SOCS7: variants seen among roughly 807,000 people sequenced by gnomAD.
SOCS7 encodes suppressor of cytokine signaling 7.
A neutral mutation model predicts 58.9 loss-of-function variants in SOCS7; 18 were observed. The ratio of observed to expected loss-of-function variants is 0.31; its 90% confidence interval spans 0.21 to 0.45. The LOEUF is 0.45. Ranked by LOEUF, SOCS7 falls within the 20% of genes least tolerant of loss-of-function variation. SOCS7 has a pLI of 1.00. For missense variants in SOCS7, 667 were observed against 837.3 expected, an observed-to-expected ratio of 0.80 and a Z score of 2.51; for synonymous variants, 388 against 364.3, an observed-to-expected ratio of 1.06 and a Z score of -0.74.
chr17:38,405,499 T>C lies in SOCS7; in HGVS notation c.*6017T>C, dbSNP rs1416208833. 1 of 152,200 alleles carries C rather than the reference T, an allele frequency of 6.6e-6. No homozygotes were observed. Among genetic ancestry groups the C allele is most frequent in the Non-Finnish European group, 1.5e-5 (1 of 68,032 alleles). The allele number at this position is 152,200 out of a possible 1,614,324, so 9.4% of individuals were successfully genotyped here. ...TGTCAGTGCGAGAGACATTTGACTC[T>C]TGTGTTTGTATCTCCTTTTTATGAT... On this transcript the variant is annotated 3_prime_UTR_variant, in exon 10 of 10. Coordinates refer to ENST00000612932, the MANE Select transcript of SOCS7 (RefSeq NM_014598.4).
intron 4 of SOCS7, chr17:38,366,032 A>G: frequency 7.8e-7 from 1 of 1,274,094 alleles, no homozygotes; most frequent in Non-Finnish European, 9.9e-7. Flanking sequence ...CACCTTAGTA[A>G]GGTTAGTGAG....
Position 38,359,773 on chromosome 17 carries a change from T to A in SOCS7, c.981-1938T>A, listed in dbSNP as rs181443933. 6.2e-3 allele frequency among the ~76,000 whole-genome samples: 940 copies of A among 151,042 alleles called. 7 individuals are homozygous for A. Among genetic ancestry groups the A allele is most frequent in the African/African-American group, 0.021 (886 of 41,296 alleles). ...TATATATATTATTTTTTTAAAAAAA[T>A]TTTTAATTAAAAAAAATTTTTTTTT... On this transcript the variant is annotated intron_variant, in intron 1 of 9. Coordinates refer to ENST00000612932, the MANE Select transcript of SOCS7 (RefSeq NM_014598.4).
rs1205845205 is a variant in SOCS7, at chr17:38,402,836, C to T, written c.*3354C>T. The stretch of plus-strand genomic sequence containing the variant: ...TTCCTAAGTTGTGGGTGGGTGATAT[C>T]AGTGGCCTCAGTGCCTGCATAACCC... On this transcript the variant is annotated 3_prime_UTR_variant, in exon 10 of 10. Transcript: ENST00000612932. The T allele has an allele frequency of 6.6e-6, 1 of 152,172 alleles. No individual in the cohort carries two copies. Among genetic ancestry groups the T allele is most frequent in the South Asian group, 2.1e-4 (1 of 4,830 alleles). 9.4% of individuals were successfully genotyped at this position (152,172 alleles called of 1,614,324 possible).
intron 8 of SOCS7, 40 bp from the exon 9 acceptor site, chr17:38,395,808 T>G: frequency 6.3e-7 from 1 of 1,598,084 alleles, no homozygotes; most frequent in Non-Finnish European, 8.5e-7. Context: ...ATATTTTGTA[T>G]AAAAACCTTT....
At chr17:38,382,966 C>A (rs1284582947) in intron 7 of SOCS7, among the ~76,000 whole-genome samples, 1 of 151,956 alleles carries the variant, frequency 6.6e-6, no homozygotes, top group Non-Finnish European at 1.5e-5. Context: ...TTGGAGGAAG[C>A]CCTAGCTTTT....
At chr17:38,391,537 T>A (rs561200011) in intron 7 of SOCS7, among the ~76,000 whole-genome samples, 7 of 152,272 alleles carry the variant, frequency 4.6e-5, no homozygotes, top group Admixed American at 2.0e-4. Context: ...ACCACTGTTG[T>A]GCACCACAAT....
In SOCS7 at chr17:38,405,012, G is replaced by C. The variant is rs996036185; in HGVS notation, c.*5530G>C. The C allele has an allele frequency of 6.6e-6, 1 of 151,852 alleles. No homozygotes were observed. Among genetic ancestry groups the C allele is most frequent in the African/African-American group, 2.4e-5 (1 of 41,130 alleles). The allele number at this position is 151,852 out of a possible 1,614,324, so 9.4% of individuals were successfully genotyped here. A position where few individuals can be genotyped will look rare whatever the true frequency, so the allele number is the denominator to read the frequency against. On this transcript the variant is annotated 3_prime_UTR_variant, in exon 10 of 10. Coordinates refer to ENST00000612932, the MANE Select transcript of SOCS7 (RefSeq NM_014598.4). Reference sequence around the variant, plus strand: ...TTCACCAGAAAGGGAGCCACCCCTTGCAACCACTTCTGTCTCCGTTAGCCC... The same window carrying C: ...TTCACCAGAAAGGGAGCCACCCCTTCCAACCACTTCTGTCTCCGTTAGCCC...
intron 1 of SOCS7, among the ~76,000 whole-genome samples, chr17:38,357,527 C>T (rs2037656942): frequency 6.6e-6 from 1 of 152,216 alleles, no homozygotes; most frequent in African/African-American, 2.4e-5. Context: ...TGGCTTTTCC[C>T]TGGAAGTTCC....
rs1316838528 is a variant in SOCS7 at position 38,389,902 on chromosome 17, C to CATATAT, written c.1682-5402_1682-5401insTATATA. ...ATATATGTACATATATATATATACA[C>CATATAT]ATATAGAGAGAGAGAGAGAGAGAGA... On this transcript the variant is annotated intron_variant, in intron 7 of 9. Transcript: ENST00000612932. 6.6e-4 allele frequency among the ~76,000 whole-genome samples: 43 copies of CATATAT among 64,700 alleles called. 2 individuals are homozygous for CATATAT. Among genetic ancestry groups the CATATAT allele is most frequent in the African/African-American group, 3.8e-3 (42 of 10,984 alleles). 42.4% of individuals were successfully genotyped at this position (64,700 alleles called of 152,430 possible). A position where few individuals can be genotyped will look rare whatever the true frequency, so the allele number is the denominator to read the frequency against.
At chr17:38,399,145 A>G (rs1314812426) in intron 9 of SOCS7, among the ~76,000 whole-genome samples, 1 of 152,074 alleles carries the variant, frequency 6.6e-6, no homozygotes, top group Middle Eastern at 3.2e-3. Flanking sequence ...CCAGGTTCAA[A>G]AGGGGTTACT....
intron 7 of SOCS7, among the ~76,000 whole-genome samples, chr17:38,380,019 C>T (rs1350038220): frequency 6.6e-6 from 1 of 152,162 alleles, no homozygotes; most frequent in Admixed American, 6.6e-5. Context: ...GTAGGGTAGT[C>T]AGCTCTGCCT....
intron 7 of SOCS7, among the ~76,000 whole-genome samples, chr17:38,385,307 A>G (rs2038054544): frequency 6.6e-6 from 1 of 151,892 alleles, no homozygotes; most frequent in Non-Finnish European, 1.5e-5. Flanking sequence ...TTGCTTCTCC[A>G]TGACGTTGTT....
At chr17:38,395,228 C>T in intron 7 of SOCS7, 81 bp from the exon 8 acceptor site, 1 of 1,472,508 alleles carries the variant, frequency 6.8e-7, no homozygotes, top group Admixed American at 1.8e-5. Context: ...CATTTCCCCT[C>T]CCTAGGTTCT....
At chr17:38,375,755 C>T (rs1036451838) in intron 6 of SOCS7, 1 of 152,096 alleles carries the variant, frequency 6.6e-6, no homozygotes, top group Non-Finnish European at 1.5e-5. Flanking sequence ...TTGGTCATTC[C>T]TCACTTAAAG....
At chr17:38,384,891 CTTT>C (rs71138614) in intron 7 of SOCS7, among the ~76,000 whole-genome samples, 2 of 76,664 alleles carry the variant, frequency 2.6e-5, no homozygotes, top group African/African-American at 5.9e-5. Flanking sequence ...GCACCCAGCT[CTTT>C]TTTTTTTTTT....
chr17:38,352,723 C>G lies in SOCS7; in HGVS notation c.671C>G (p.Pro224Arg), dbSNP rs753369461. The G allele has an allele frequency of 1.3e-6, 2 of 1,549,986 alleles. No homozygotes were observed. Among genetic ancestry groups the G allele is most frequent in the South Asian group, 2.4e-5 (2 of 84,044 alleles). ...CTGCAGCCCCCAGGCCCTGAATTACCTCCGGTGCCCTTCCCGCTGCAGGAC... is the reference window on the plus strand; with the variant it reads ...CTGCAGCCCCCAGGCCCTGAATTACGTCCGGTGCCCTTCCCGCTGCAGGAC... ...LLLQPPGPEL[P>R]PVPFPLQDLV... Residue 224 changes from proline to arginine, a missense_variant, in exon 1 of 10, where the codon CCT becomes CGT. By Grantham distance (103) the Pro-to-Arg change is moderately radical (BLOSUM62 -2). Transcript: ENST00000612932. This position sits in a 1 kb window ranked among gnomAD's most constrained non-coding sequence, Gnocchi z 5.5.
At chr17:38,357,658 C>T (rs2037658302) in intron 1 of SOCS7, among the ~76,000 whole-genome samples, 1 of 152,222 alleles carries the variant, frequency 6.6e-6, no homozygotes. Flanking sequence ...CATGAACAGA[C>T]ACTGGCTTAT....
At chr17:38,356,888 C>G (rs2037647509) in intron 1 of SOCS7, among the ~76,000 whole-genome samples, 1 of 152,180 alleles carries the variant, frequency 6.6e-6, no homozygotes, top group African/African-American at 2.4e-5. Flanking sequence ...AGTTGATTGC[C>G]TTCCTTTGGA....
rs1178190946 is a variant in SOCS7 at position 38,405,289 on chromosome 17, G to T, written c.*5807G>T. On this transcript the variant is annotated 3_prime_UTR_variant, in exon 10 of 10. Coordinates refer to ENST00000612932, the MANE Select transcript of SOCS7 (RefSeq NM_014598.4). ...TATAAACAAAACAAATGCACTTTGG[G>T]TGTGTTTTGGTATTTTTCTGGGGAT... 6.6e-6 allele frequency: 1 copy of T among 152,068 alleles called. No homozygotes were observed. The highest frequency in any genetic ancestry group is 2.4e-5 in the African/African-American group (1 of 41,390). The allele number at this position is 152,068 out of a possible 1,614,324, so 9.4% of individuals were successfully genotyped here.
Sources: gnomAD v4.1 joint callset for allele counts (sites outside exome capture counted in the v4.1 genomes callset) on GRCh38, gnomAD v4.1.1 for gene constraint, Gnocchi (gnomAD v3.1) non-coding constraint, MANE v1.5 for transcripts, NCBI Gene and HGNC (gene_info 2026-07-23, HGNC 2026-07-21) for gene names.